Variants in ALOX5 observed in about 807,000 individuals in gnomAD.
ALOX5 encodes the protein polyunsaturated fatty acid 5-lipoxygenase.
In ALOX5, 64 loss-of-function variants were observed where a neutral mutation model predicts 87.9. That is an observed-to-expected ratio of 0.73 (90% CI 0.60 to 0.90). The LOEUF is 0.90. Ranked by LOEUF, ALOX5 falls within the 40% of genes least tolerant of loss-of-function variation. The probability of loss-of-function intolerance (pLI) is 0.00; values close to 1 mark genes in which losing one functional copy is unlikely to be tolerated. For missense variants in ALOX5, 822 were observed against 907.5 expected (o/e 0.91, Z 1.21); for synonymous variants, 388 against 355.1 (o/e 1.09, Z -1.04).
chr10:45,393,912 C>T (rs952866458), intron 2 of ALOX5, among the ~76,000 whole-genome samples: 1 of 152,176 alleles, frequency 6.6e-6, no homozygotes, highest in African/African-American at 2.4e-5. Flanking sequence ...TGTGAAGGAC[C>T]TCTTCAAGGA....
rs1040550036 is a variant in ALOX5, at chr10:45,425,622, C to T, written c.834+490C>T. 1.3e-5 allele frequency among the ~76,000 whole-genome samples: 2 copies of T among 152,210 alleles called. No individual in the cohort carries two copies. The highest frequency in any genetic ancestry group is 4.8e-5 in the African/African-American group (2 of 41,462). ...GAAATGCTGCTGCCCATGCTCCTGT[C>T]GCACCCTCCTCCCCACCCTCACCTG... is the stretch of plus-strand genomic sequence containing the variant. On this transcript the variant is annotated intron_variant, in intron 6 of 13. Coordinates refer to ENST00000374391, the MANE Select transcript of ALOX5 (RefSeq NM_000698.5). This position sits in a 1 kb window ranked among gnomAD's most constrained non-coding sequence, Gnocchi z 4.4.
At chr10:45,428,507 T>G in intron 6 of ALOX5, 111 bp from the exon 7 acceptor site, 1 of 1,371,918 alleles carries the variant, frequency 7.3e-7, no homozygotes, top group South Asian at 1.3e-5. Context: ...TGAGCTCCGC[T>G]GAGTCGCAGG....
chr10:45,382,325 A>T (rs1839858585), intron 1 of ALOX5, among the ~76,000 whole-genome samples, 158 bp from the exon 2 acceptor site: 1 of 152,172 alleles, frequency 6.6e-6, no homozygotes, highest in African/African-American at 2.4e-5. Flanking sequence ...AACAGCACGA[A>T]TGTCAGAGTA....
intron 1 of ALOX5, among the ~76,000 whole-genome samples, chr10:45,380,044 C>G (rs779852053): frequency 6.6e-6 from 1 of 152,236 alleles, no homozygotes; most frequent in African/African-American, 2.4e-5. Context: ...ACTCAGCCCC[C>G]ACTCTGCTCC....
At chr10:45,443,995 A>C in intron 12 of ALOX5, 121 bp from the exon 13 acceptor site, 1 of 1,437,232 alleles carries the variant, frequency 7.0e-7, no homozygotes, top group South Asian at 1.4e-5. Context: ...CCGCGGGGAA[A>C]GAGGATGGAC....
intron 2 of ALOX5, 28 bp from the exon 3 acceptor site, chr10:45,395,827 C>G (rs1394485454): frequency 6.2e-6 from 10 of 1,603,496 alleles, no homozygotes; most frequent in Non-Finnish European, 8.5e-6. Flanking sequence ...CTTCCTCAGG[C>G]TCCTCTCATG....
At chr10:45,376,489 A>T (rs1839618991) in intron 1 of ALOX5, among the ~76,000 whole-genome samples, 1 of 152,222 alleles carries the variant, frequency 6.6e-6, no homozygotes, top group Non-Finnish European at 1.5e-5. Flanking sequence ...TCATTCTCCC[A>T]GCTTGGTATC....
rs200200179 is a variant in ALOX5, at chr10:45,382,619, T to A, written c.287T>A (p.Ile96Asn). Residue 96 changes from isoleucine to asparagine, a missense_variant, in exon 2 of 14, where the codon ATC becomes AAC. Ile to Asn is a moderately radical substitution (Grantham distance 149, BLOSUM62 -3). Coordinates refer to ENST00000374391, the MANE Select transcript of ALOX5 (RefSeq NM_000698.5). ...ITLKTPHGDYIEFPCYRWITG... is the reference protein window; with the variant it reads ...ITLKTPHGDYNEFPCYRWITG... ...CTGAAGACGCCCCACGGGGACTACA[T>A]CGAGTTCCCCTGCTACCGCTGGATC... The A allele has an allele frequency of 6.2e-7, 1 of 1,614,100 alleles. No individual in the cohort carries two copies. Among genetic ancestry groups the A allele is most frequent in the East Asian group, 2.2e-5 (1 of 44,886 alleles).
chr10:45,409,091 C>T lies in ALOX5; in HGVS notation c.432-3100C>T, dbSNP rs540634985. Among the ~76,000 whole-genome samples the T allele has an allele frequency of 1.4e-4, 22 of 152,350 alleles. No homozygotes were observed. The East Asian group carries it at 1.7e-3, about 12-fold the overall frequency. On this transcript the variant is annotated intron_variant, in intron 3 of 13. Transcript: ENST00000374391. The stretch of plus-strand genomic sequence containing the variant: ...GTAACCAAGTCTCAGCCAATCACAG[C>T]GGCCAGACTTCAGCCACTCACAGTG...
chr10:45,398,998 CTT>C (rs1840607697), intron 3 of ALOX5, among the ~76,000 whole-genome samples: 1 of 152,210 alleles, frequency 6.6e-6, no homozygotes, highest in African/African-American at 2.4e-5. Context: ...CACACAAAAA[CTT>C]GTACATGCAT....
intron 3 of ALOX5, among the ~76,000 whole-genome samples, chr10:45,403,772 C>T (rs1054253797): frequency 6.6e-6 from 1 of 152,146 alleles, no homozygotes; most frequent in Non-Finnish European, 1.5e-5. Flanking sequence ...AGCTCAGGCA[C>T]CATATGATGT....
At chr10:45,442,175 C>T (rs1238799120) in intron 9 of ALOX5, among the ~76,000 whole-genome samples, 1 of 152,198 alleles carries the variant, frequency 6.6e-6, no homozygotes, top group Non-Finnish European at 1.5e-5. Context: ...AGCAATGCCC[C>T]AGGGTGCATG....
At chr10:45,402,766 G>A (rs1270147465) in intron 3 of ALOX5, among the ~76,000 whole-genome samples, 1 of 152,200 alleles carries the variant, frequency 6.6e-6, no homozygotes, top group Non-Finnish European at 1.5e-5. Flanking sequence ...AGTGATTGAC[G>A]AGAATTATTC....
At chr10:45,398,469 A>T (rs1264076504) in intron 3 of ALOX5, among the ~76,000 whole-genome samples, 1 of 152,236 alleles carries the variant, frequency 6.6e-6, no homozygotes, top group African/African-American at 2.4e-5. Flanking sequence ...CACCAAAAGC[A>T]TCAGCAACAA....
intron 4 of ALOX5, among the ~76,000 whole-genome samples, chr10:45,417,863 A>C (rs558192581): frequency 1.1e-4 from 16 of 152,150 alleles, no homozygotes; most frequent in African/African-American, 3.4e-4. Flanking sequence ...CTTGGCCAAG[A>C]CATGGGTGAG....
At chr10:45,444,037 C>T (rs1019911914) in intron 12 of ALOX5, 79 bp from the exon 13 acceptor site, 11 of 1,467,982 alleles carry the variant, frequency 7.5e-6, no homozygotes, top group Admixed American at 2.4e-5. Context: ...TTGGGGGGCA[C>T]GGGGAGGACG....
In ALOX5 at chr10:45,390,088, CAAA is replaced by C. The variant is rs576388070; in HGVS notation, c.350-5766_350-5764del. On this transcript the variant is annotated intron_variant, in intron 2 of 13. Coordinates refer to ENST00000374391, the MANE Select transcript of ALOX5 (RefSeq NM_000698.5). ...TTAAACCAACAAAGATCAAAAGAGA[CAAA>C]GAAGGCCATTACATAATGGTAAAGG... Among the ~76,000 whole-genome samples the C allele has an allele frequency of 5.9e-3, 903 of 152,184 alleles. 6 individuals are homozygous for C. Among genetic ancestry groups the C allele is most frequent in the African/African-American group, 0.02 (817 of 41,518 alleles).
intron 1 of ALOX5, among the ~76,000 whole-genome samples, chr10:45,376,228 G>A (rs1839604891): frequency 6.6e-6 from 1 of 151,276 alleles, no homozygotes; most frequent in South Asian, 2.1e-4. Flanking sequence ...TCATTCAAAT[G>A]ACATTATAAT....
chr10:45,403,708 T>G (rs550121728), intron 3 of ALOX5, among the ~76,000 whole-genome samples: 1 of 152,294 alleles, frequency 6.6e-6, no homozygotes, highest in East Asian at 1.9e-4. Flanking sequence ...GTGGGTCATG[T>G]TAAGGGTTTA....
Sources: gnomAD v4.1 joint callset for allele counts (sites outside exome capture counted in the v4.1 genomes callset) on GRCh38, gnomAD v4.1.1 for gene constraint, Gnocchi (gnomAD v3.1) non-coding constraint, MANE v1.5 for transcripts, NCBI Gene and HGNC (gene_info 2026-07-23, HGNC 2026-07-21) for gene names.